Variants in MKNK1 observed in about 807,000 individuals in gnomAD.
The protein encoded by MKNK1 is MAPK interacting serine/threonine kinase 1, also known as MAP kinase-interacting serine/threonine-protein kinase 1.
MKNK1 carries 30 observed loss-of-function variants against 49.3 expected under a neutral mutation model. The ratio of observed to expected loss-of-function variants is 0.61; its 90% CI spans 0.46 to 0.83. The LOEUF (loss-of-function observed/expected upper bound fraction) is 0.83, where lower values mean the gene tolerates loss of function less well. Ranked by LOEUF, MKNK1 falls within the 40% of genes least tolerant of loss-of-function variation. The pLI, the probability that MKNK1 is intolerant of heterozygous loss-of-function variation, is 0.00. For synonymous variants in MKNK1, 176 were observed against 201.7 expected, an observed-to-expected ratio of 0.87 and a Z score of 1.08; for missense variants, 423 against 524.7, an observed-to-expected ratio of 0.81 and a Z score of 1.89.
At chr1:46,602,327 A>G (rs894416299) in intron 1 of MKNK1, among the ~76,000 whole-genome samples, 4 of 152,120 alleles carry the variant, frequency 2.6e-5, no homozygotes, top group Non-Finnish European at 5.9e-5. Flanking sequence ...CAGGAGAATC[A>G]CTTGAACCTG....
intron 2 of MKNK1, among the ~76,000 whole-genome samples, chr1:46,589,000 T>C (rs1206862313): frequency 2.6e-5 from 4 of 152,204 alleles, no homozygotes; most frequent in Non-Finnish European, 4.4e-5. Context: ...GGGCTGCCCA[T>C]GCCACAAGGC....
chr1:46,603,105 G>C (rs1674963839), intron 1 of MKNK1, among the ~76,000 whole-genome samples: 1 of 152,184 alleles, frequency 6.6e-6, no homozygotes, highest in South Asian at 2.1e-4. Context: ...GGGCACCAAA[G>C]CCTCTAGCTG....
chr1:46,574,639 T>G (rs548023785), intron 6 of MKNK1: 81 of 264,586 alleles, frequency 3.1e-4, no homozygotes, highest in African/African-American at 1.0e-3. Context: ...ACCCCATAAT[T>G]AATGTAGTTA....
At position 46,558,667 on chromosome 1, in the gene MKNK1, G is replaced by C. The variant is rs199859456; in HGVS notation, c.1147C>G (p.Leu383Val). 6.2e-7 allele frequency: 1 copy of C among 1,614,198 alleles called. No individual in the cohort carries two copies. Among genetic ancestry groups the C allele is most frequent in the East Asian group, 2.2e-5 (1 of 44,876 alleles). ...ALADGLCSMKLSPPCKSRLAR... is the reference protein window; with the variant it reads ...ALADGLCSMKVSPPCKSRLAR... ...AGGCGTGACTTGCAGGGAGGGGAAA[G>C]CTTCATGGAGCAGAGGCCATCAGCT... The change falls in exon 13 of 13, where the codon CTT becomes GTT. Residue 383 changes from leucine to valine, a missense_variant. Coordinates refer to ENST00000371945, the MANE Select transcript of MKNK1 (RefSeq NM_001135553.4).
chr1:46,603,024 T>C (rs1674951620), intron 1 of MKNK1, among the ~76,000 whole-genome samples: 1 of 152,042 alleles, frequency 6.6e-6, no homozygotes, highest in Non-Finnish European at 1.5e-5. Context: ...AATACCAGAG[T>C]AACAGGACTC....
chr1:46,586,504 T>C lies in MKNK1; in HGVS notation c.-2-3175A>G, dbSNP rs371085239. On this transcript the variant is annotated intron_variant, in intron 2 of 12. Coordinates refer to ENST00000371945, the MANE Select transcript of MKNK1 (RefSeq NM_001135553.4). ...TCCCCTGTGTTCCTAAAGGCTGAGA[T>C]TGTCCCCTGTTCACTTGTTTCTCCT... Among the ~76,000 whole-genome samples the C allele has an allele frequency of 3.9e-5, 6 of 152,284 alleles. No individual in the cohort carries two copies. In the East Asian group the frequency reaches 1.2e-3, roughly 29 times the overall value.
At chr1:46,587,069 C>T (rs1188490579) in intron 2 of MKNK1, among the ~76,000 whole-genome samples, 1 of 152,278 alleles carries the variant, frequency 6.6e-6, no homozygotes, top group Non-Finnish European at 1.5e-5. Context: ...CTTGGCCTCC[C>T]AAAGTGCTGG....
At chr1:46,585,612 T>C (rs773135023) in intron 2 of MKNK1, 16 of 340,720 alleles carry the variant, frequency 4.7e-5, no homozygotes, top group Non-Finnish European at 1.7e-5. Context: ...CTGTCCACAC[T>C]TTGATGGAGG....
At chr1:46,587,101 C>A (rs993936289) in intron 2 of MKNK1, among the ~76,000 whole-genome samples, 1 of 152,228 alleles carries the variant, frequency 6.6e-6, no homozygotes, top group Non-Finnish European at 1.5e-5. Context: ...TGAACCACTG[C>A]GCCCAGCCAG....
intron 4 of MKNK1, among the ~76,000 whole-genome samples, chr1:46,578,318 G>C (rs961138115): frequency 6.6e-6 from 1 of 152,080 alleles, no homozygotes; most frequent in African/African-American, 2.4e-5. Flanking sequence ...AGTATTGTGG[G>C]GCCATGTTGG....
chr1:46,587,292 C>A (rs1456592072), intron 2 of MKNK1, among the ~76,000 whole-genome samples: 1 of 152,150 alleles, frequency 6.6e-6, no homozygotes, highest in Non-Finnish European at 1.5e-5. Flanking sequence ...GCTCGGCGGT[C>A]CACCACATGT....
chr1:46,577,836 A>T (rs1279814363), intron 4 of MKNK1, among the ~76,000 whole-genome samples: 3 of 152,214 alleles, frequency 2.0e-5, no homozygotes, highest in African/African-American at 7.2e-5. Flanking sequence ...AAACCACTGC[A>T]CACCGAGCCT....
rs562549441 is a variant in MKNK1, at chr1:46,568,826, C to T, written c.458-328G>A. On this transcript the variant is annotated intron_variant, in intron 7 of 12. Transcript: ENST00000371945. The stretch of plus-strand genomic sequence containing the variant: ...AGAGCAGAGCAGAGAGCTCTGCAAA[C>T]GGCAATGCTTGGAACAGCAATGCAG... 205 of 273,998 alleles carry T rather than the reference C, an allele frequency of 7.5e-4. 2 individuals carry two copies. The highest frequency in any genetic ancestry group is 6.0e-3 in the Middle Eastern group (5 of 838). 17.0% of individuals were successfully genotyped at this position (273,998 alleles called of 1,614,324 possible). A position where few individuals can be genotyped will look rare whatever the true frequency, so the allele number is the denominator to read the frequency against.
rs1672438197 is a variant in MKNK1 at position 46,585,537 on chromosome 1, T to C, written c.-2-2208A>G. On this transcript the variant is annotated intron_variant, in intron 2 of 12. Coordinates refer to ENST00000371945, the MANE Select transcript of MKNK1 (RefSeq NM_001135553.4). ...TGGCAACCCGTGTCTGCATCTATTT[T>C]CTCATCGGCACCGCAGGCCCAGTGC... 3.3e-5 allele frequency: 9 copies of C among 274,030 alleles called. No homozygotes were observed. The South Asian group carries it at 3.4e-4, about 10-fold the overall frequency. 17.0% of individuals were successfully genotyped at this position (274,030 alleles called of 1,614,324 possible). A position where few individuals can be genotyped will look rare whatever the true frequency, so the allele number is the denominator to read the frequency against.
At chr1:46,596,655 T>C (rs1189723365) in intron 1 of MKNK1, among the ~76,000 whole-genome samples, 1 of 152,196 alleles carries the variant, frequency 6.6e-6, no homozygotes, top group Admixed American at 6.5e-5. Flanking sequence ...CCATCATCTA[T>C]AAAATGGGGC....
intron 8 of MKNK1, among the ~76,000 whole-genome samples, chr1:46,566,684 AGT>A (rs1158060195): frequency 2.7e-4 from 41 of 152,324 alleles, no homozygotes; most frequent in African/African-American, 9.6e-4. Context: ...CCTACCTAGT[AGT>A]ATGTGGTGGT....
rs1442577102 is a variant in MKNK1, at chr1:46,558,812, G to A, written c.1014-12C>T. ...TTGTGCTGCTGTTCCTGCAGGGCCA[G>A]GGGAAAGCACAGAAAAGAGGGTCAG... On this transcript the variant is annotated splice_polypyrimidine_tract_variant and intron_variant, in intron 12 of 12. Coordinates refer to ENST00000371945, the MANE Select transcript of MKNK1 (RefSeq NM_001135553.4). 43 of 1,609,788 alleles carry A rather than the reference G, an allele frequency of 2.7e-5. No individual in the cohort carries two copies. The highest frequency in any genetic ancestry group is 3.4e-5 in the Non-Finnish European group (40 of 1,177,840).
At chr1:46,564,272 CAG>C (rs1014221779) in intron 9 of MKNK1, among the ~76,000 whole-genome samples, 5 of 151,738 alleles carry the variant, frequency 3.3e-5, no homozygotes, top group African/African-American at 9.7e-5. Context: ...GTTCCCACCA[CAG>C]AGAGACTATC....
intron 2 of MKNK1, among the ~76,000 whole-genome samples, chr1:46,585,249 C>CAAAA (rs58692301): frequency 1.8e-4 from 11 of 62,132 alleles, no homozygotes; most frequent in South Asian, 6.1e-4. Flanking sequence ...GATTCCGTCT[C>CAAAA]AAAAAAAAAA....
Sources: allele counts gnomAD v4.1 joint callset (sites outside exome capture counted in the v4.1 genomes callset), GRCh38; gene constraint gnomAD v4.1.1; transcripts MANE v1.5; gene names NCBI Gene and HGNC (gene_info 2026-07-23, HGNC 2026-07-21).